The following TXNRD2 variants were observed in gnomAD, a reference collection of about 807,000 sequenced individuals.
TXNRD2 encodes thioredoxin reductase 2, mitochondrial.
In TXNRD2, 67 loss-of-function variants were observed where a neutral mutation model predicts 70.8. That is an observed-to-expected ratio of 0.95 (90% confidence interval 0.78 to 1.16). TXNRD2 has a LOEUF of 1.16. Ranked by LOEUF, TXNRD2 falls within the 50% of genes most tolerant of loss-of-function variation. TXNRD2 has a pLI of 0.00. For missense variants in TXNRD2, 644 were observed against 719.9 expected, an observed-to-expected ratio of 0.89 and a Z score of 1.21; for synonymous variants, 301 against 295.8, an observed-to-expected ratio of 1.02 and a Z score of -0.18.
intron 1 of TXNRD2, chr22:19,932,684 C>G: frequency 1.2e-6 from 1 of 821,970 alleles, no homozygotes; most frequent in Non-Finnish European, 1.7e-6. Flanking sequence ...ACAAGTAGTG[C>G]CCTCAGCCCC....
intron 12 of TXNRD2, 122 bp from the exon 13 acceptor site, chr22:19,880,839 C>G (rs559189093): frequency 8.1e-5 from 56 of 688,498 alleles, no homozygotes; most frequent in Non-Finnish European, 1.4e-4. Flanking sequence ...ACACTGGCAC[C>G]GAGCATGGTG....
intron 2 of TXNRD2, among the ~76,000 whole-genome samples, chr22:19,925,462 T>G (rs1941104256): frequency 6.6e-6 from 1 of 151,858 alleles, no homozygotes; most frequent in Non-Finnish European, 1.5e-5. Context: ...CACAAAGGAA[T>G]GAAGAGCACA....
At chr22:19,902,498 C>T (rs551359696) in intron 8 of TXNRD2, among the ~76,000 whole-genome samples, 1 of 152,324 alleles carries the variant, frequency 6.6e-6, no homozygotes, top group South Asian at 2.1e-4. Flanking sequence ...CCTTGGAGGT[C>T]CTGCCAGCCC....
chr22:19,917,665 G>A (rs1313842678), intron 5 of TXNRD2, among the ~76,000 whole-genome samples: 1 of 152,192 alleles, frequency 6.6e-6, no homozygotes, highest in Non-Finnish European at 1.5e-5. Flanking sequence ...GGGGCTGACA[G>A]GAACGGTGAC....
At chr22:19,900,325 G>A (rs954479913) in intron 8 of TXNRD2, among the ~76,000 whole-genome samples, 1 of 152,196 alleles carries the variant, frequency 6.6e-6, no homozygotes, top group Non-Finnish European at 1.5e-5. Flanking sequence ...CGGTATGCAC[G>A]CACTTCCACA....
chr22:19,905,483 C>G (rs1380633001), intron 8 of TXNRD2, among the ~76,000 whole-genome samples: 2 of 152,166 alleles, frequency 1.3e-5, no homozygotes, highest in South Asian at 2.1e-4. Flanking sequence ...GCTAGGGAGA[C>G]AGCAAGGCCA....
intron 15 of TXNRD2, 23 bp downstream of exon 15, chr22:19,878,343 C>T (rs1339287292): frequency 3.7e-6 from 6 of 1,613,490 alleles, no homozygotes; most frequent in Non-Finnish European, 5.1e-6. Flanking sequence ...ATCCTCAGCA[C>T]CCTGGGCCAC....
chr22:19,901,563 A>C (rs1939778709), intron 8 of TXNRD2, among the ~76,000 whole-genome samples: 1 of 152,204 alleles, frequency 6.6e-6, no homozygotes, highest in South Asian at 2.1e-4. Context: ...CATTGATCAA[A>C]TTATGTGAAT....
chr22:19,897,933 T>C (rs1353877754), intron 10 of TXNRD2, 106 bp downstream of exon 10: 1 of 837,786 alleles, frequency 1.2e-6, no homozygotes, highest in Non-Finnish European at 1.9e-6. Flanking sequence ...CTCTAAAGAT[T>C]CAGGCATCAC....
intron 2 of TXNRD2, among the ~76,000 whole-genome samples, chr22:19,922,953 C>G (rs1255372255): frequency 1.3e-5 from 2 of 152,166 alleles, no homozygotes; most frequent in African/African-American, 2.4e-5. Flanking sequence ...TCCCAAAGTG[C>G]TGGGATTACA....
At chr22:19,921,056 G>A (rs12484727) in intron 2 of TXNRD2, among the ~76,000 whole-genome samples, 10,950 of 149,724 alleles carry the variant, frequency 0.073, 572 homozygotes, top group East Asian at 0.21. Context: ...GCAGTGAGCC[G>A]AGATTGTGCC....
intron 12 of TXNRD2, chr22:19,881,389 G>T (rs530504248): frequency 1.1e-5 from 3 of 277,208 alleles, no homozygotes; most frequent in East Asian, 5.7e-5. Flanking sequence ...GACTAACTAC[G>T]GAAACATCCC....
At chr22:19,923,694 C>T (rs904177374) in intron 2 of TXNRD2, among the ~76,000 whole-genome samples, 3 of 151,862 alleles carry the variant, frequency 2.0e-5, no homozygotes, top group Admixed American at 6.6e-5. Flanking sequence ...CCCAGCTACT[C>T]GGGAGGCTGA....
intron 2 of TXNRD2, among the ~76,000 whole-genome samples, chr22:19,924,773 TG>T (rs1211142390): frequency 1.3e-5 from 2 of 152,102 alleles, no homozygotes; most frequent in Non-Finnish European, 2.9e-5. Context: ...ATCAGTAGGT[TG>T]TGGGGAAGCT....
chr22:19,919,735 G>A (rs1207446926), intron 2 of TXNRD2, 136 bp from the exon 3 acceptor site: 1 of 823,108 alleles, frequency 1.2e-6, no homozygotes, highest in Non-Finnish European at 2.0e-6. Context: ...CAGTGGCTGA[G>A]CTGCGCAATG....
At chr22:19,876,891 C>T (rs1938531065) in intron 17 of TXNRD2, 149 bp downstream of exon 17, 10 of 523,360 alleles carry the variant, frequency 1.9e-5, no homozygotes, top group Non-Finnish European at 2.8e-5. Flanking sequence ...TGCCTGTCAC[C>T]GCTGTGGCCT....
At chr22:19,880,764 A>T (rs575600624) in intron 12 of TXNRD2, 47 bp from the exon 13 acceptor site, 3 of 1,398,640 alleles carry the variant, frequency 2.1e-6, no homozygotes, top group Non-Finnish European at 3.0e-6. Flanking sequence ...GTCCGGGGTT[A>T]TATGCAGCCC....
intron 1 of TXNRD2, among the ~76,000 whole-genome samples, chr22:19,935,461 G>A (rs528695075): frequency 1.1e-4 from 16 of 152,272 alleles, no homozygotes; most frequent in Admixed American, 9.8e-4. Flanking sequence ...CCCTTATCAG[G>A]AGTTCTGATT....
intron 2 of TXNRD2, 131 bp from the exon 3 acceptor site, chr22:19,919,730 G>C: frequency 2.3e-6 from 2 of 854,114 alleles, no homozygotes; most frequent in Non-Finnish European, 3.8e-6. Flanking sequence ...CCACACAGTG[G>C]CTGAGCTGCG....
Sources: gnomAD v4.1 joint callset for allele counts (sites outside exome capture counted in the v4.1 genomes callset) on GRCh38, gnomAD v4.1.1 for gene constraint, MANE v1.5 for transcripts, NCBI Gene and HGNC (gene_info 2026-07-23, HGNC 2026-07-21) for gene names.